Variants in DTD1 observed in about 807,000 individuals in gnomAD.
The protein encoded by DTD1 is D-aminoacyl-tRNA deacylase 1.
Under a neutral mutation model 25.6 loss-of-function variants are expected in DTD1, and 13 were observed. That is an observed-to-expected ratio of 0.51 (90% CI 0.33 to 0.81). The LOEUF (loss-of-function observed/expected upper bound fraction) is 0.81. DTD1 is among the 30% of genes least tolerant of loss of function. DTD1 has a pLI of 0.02. For synonymous variants in DTD1, 110 were observed against 103.6 expected, an observed-to-expected ratio of 1.06 and a Z score of -0.37; for missense variants, 193 against 266.4, an observed-to-expected ratio of 0.72 and a Z score of 1.92.
chr20:18,627,316 C>T (rs1343301631), intron 3 of DTD1, among the ~76,000 whole-genome samples: 1 of 152,160 alleles, frequency 6.6e-6, no homozygotes, highest in Non-Finnish European at 1.5e-5. Context: ...GGAGGTCACC[C>T]AGGTTGCGGA....
intron 4 of DTD1, among the ~76,000 whole-genome samples, chr20:18,695,623 TTC>T (rs1267368819): frequency 2.9e-4 from 20 of 69,762 alleles, no homozygotes; most frequent in East Asian, 2.1e-3. Flanking sequence ...CCTTCTTTCC[TTC>T]TCTCTCTCTC....
chr20:18,670,346 C>T (rs1444998468), intron 4 of DTD1, among the ~76,000 whole-genome samples: 1 of 152,152 alleles, frequency 6.6e-6, no homozygotes, highest in Non-Finnish European at 1.5e-5. Flanking sequence ...ATCCCAGCTA[C>T]TTGGAATGCT....
chr20:18,723,753 A>G, intron 4 of DTD1, among the ~76,000 whole-genome samples: 1 of 152,234 alleles, frequency 6.6e-6, no homozygotes, highest in East Asian at 1.9e-4. Context: ...GAGGAAAAGG[A>G]TTTTAACCTA....
chr20:18,698,550 A>G (rs1456541998), intron 4 of DTD1: 1 of 152,256 alleles, frequency 6.6e-6, no homozygotes, highest in Non-Finnish European at 1.5e-5. Flanking sequence ...AGTGGTGAGA[A>G]CTGTACTTTG....
At chr20:18,667,732 C>T (rs1017343476) in intron 4 of DTD1, among the ~76,000 whole-genome samples, 4 of 152,240 alleles carry the variant, frequency 2.6e-5, no homozygotes, top group African/African-American at 7.2e-5. Context: ...AGTCACTTGC[C>T]GCTTCTTACC....
intron 4 of DTD1, chr20:18,698,833 G>A (rs2061090552): frequency 6.6e-6 from 1 of 152,170 alleles, no homozygotes; most frequent in African/African-American, 2.4e-5. Flanking sequence ...CATGAGTTCC[G>A]AGGCCCGAGC....
chr20:18,701,396 G>T (rs2061103994), intron 4 of DTD1, among the ~76,000 whole-genome samples: 1 of 152,254 alleles, frequency 6.6e-6, no homozygotes, highest in South Asian at 2.1e-4. Context: ...TTTAAGTAGG[G>T]TAGTTCCTAA....
chr20:18,747,656 G>A (rs2061305408), intron 5 of DTD1, among the ~76,000 whole-genome samples: 1 of 152,150 alleles, frequency 6.6e-6, no homozygotes, highest in African/African-American at 2.4e-5. Flanking sequence ...TCTTCTTCCA[G>A]TTCTGTTGAA....
intron 5 of DTD1, among the ~76,000 whole-genome samples, chr20:18,752,297 C>G (rs754921800): frequency 6.6e-6 from 1 of 152,174 alleles, no homozygotes. Context: ...GTTCTCTCTT[C>G]TCCTTTTGGT....
At chr20:18,733,730 C>T (rs1403498555) in intron 4 of DTD1, among the ~76,000 whole-genome samples, 2 of 152,274 alleles carry the variant, frequency 1.3e-5, no homozygotes, top group East Asian at 1.9e-4. Context: ...ATGAAATTAG[C>T]TTGCATGATT....
intron 4 of DTD1, 55 bp from the exon 5 acceptor site, chr20:18,744,045 A>G: frequency 1.3e-6 from 2 of 1,528,338 alleles, no homozygotes; most frequent in South Asian, 1.2e-5. Flanking sequence ...TGTGTGGGAT[A>G]CACAGGCATG....
At chr20:18,750,099 G>A (rs187172234) in intron 5 of DTD1, among the ~76,000 whole-genome samples, 2 of 152,304 alleles carry the variant, frequency 1.3e-5, no homozygotes, top group South Asian at 2.1e-4. Context: ...GGACCAGAGC[G>A]GGGCTGGGTG....
At chr20:18,713,970 C>G (rs1244698470) in intron 4 of DTD1, among the ~76,000 whole-genome samples, 1 of 152,170 alleles carries the variant, frequency 6.6e-6, no homozygotes, top group African/African-American at 2.4e-5. Flanking sequence ...CCTGGTCTGA[C>G]CTGAGGAGCC....
intron 4 of DTD1, among the ~76,000 whole-genome samples, chr20:18,741,293 A>C (rs907499715): frequency 1.6e-4 from 25 of 152,150 alleles, no homozygotes; most frequent in East Asian, 5.9e-4. Flanking sequence ...GGCCAGAATG[A>C]AGTCAGCTAC....
At chr20:18,623,025 C>T (rs1337954421) in intron 3 of DTD1, among the ~76,000 whole-genome samples, 6 of 148,706 alleles carry the variant, frequency 4.0e-5, no homozygotes, top group East Asian at 2.0e-4. Context: ...TTGCGACCTC[C>T]GCCTCCCGGG....
At chr20:18,608,156 T>C (rs187797768) in intron 3 of DTD1, among the ~76,000 whole-genome samples, 6 of 152,290 alleles carry the variant, frequency 3.9e-5, no homozygotes, top group African/African-American at 1.4e-4. Flanking sequence ...TTTGTGGATA[T>C]AGAGTTGTTC....
chr20:18,728,533 A>T (rs2061230279), intron 4 of DTD1, among the ~76,000 whole-genome samples: 1 of 152,134 alleles, frequency 6.6e-6, no homozygotes, highest in Non-Finnish European at 1.5e-5. Flanking sequence ...GAGATCTGCC[A>T]TTGCTGCTCC....
At chr20:18,670,353 TGCTGAG>T (rs2060947611) in intron 4 of DTD1, among the ~76,000 whole-genome samples, 1 of 152,128 alleles carries the variant, frequency 6.6e-6, no homozygotes, top group African/African-American at 2.4e-5. Flanking sequence ...CTACTTGGAA[TGCTGAG>T]GCAGGAGAAT....
chr20:18,623,638 C>T (rs939134889), intron 3 of DTD1, among the ~76,000 whole-genome samples: 1 of 152,128 alleles, frequency 6.6e-6, no homozygotes, highest in Non-Finnish European at 1.5e-5. Flanking sequence ...AGCAGAACGC[C>T]GCTTCTGCAC....
Sources: allele counts gnomAD v4.1 joint callset (sites outside exome capture counted in the v4.1 genomes callset), GRCh38; gene constraint gnomAD v4.1.1; transcripts MANE v1.5; gene names NCBI Gene and HGNC (gene_info 2026-07-23, HGNC 2026-07-21).